SUSD4: variants seen among roughly 807,000 people sequenced by gnomAD.
SUSD4 encodes sushi domain-containing protein 4.
In SUSD4, 41 loss-of-function variants were observed where a neutral mutation model predicts 50.5. The observed-to-expected ratio is 0.81, with a 90% CI of 0.63 to 1.05. The LOEUF is 1.05. SUSD4 is among the 50% of genes least tolerant of loss of function. The pLI is 0.00. For synonymous variants in SUSD4, 257 were observed against 257.3 expected (o/e 1.00, Z 0.01); for missense variants, 580 against 634.7 (o/e 0.91, Z 0.93).
rs267598387 is a variant in SUSD4 at position 223,264,655 on chromosome 1, G to A, written c.699C>T (p.Ser233=). Residue 233 remains serine, a synonymous_variant, in exon 5 of 9, where the codon AGC becomes AGT. Transcript: ENST00000366878. ...CTTCCAGAGCAAGGCACCGGGGTGG[G>A]CTGGACGACCAGATAAGGTTTTGTA... ...ECLQNLIWSS[S]PPRCLALEVC... is the part of the protein sequence containing the mutation. 6.2e-7 allele frequency: 1 copy of A among 1,614,174 alleles called. No individual in the cohort carries two copies. Among genetic ancestry groups the A allele is most frequent in the South Asian group, 1.1e-5 (1 of 91,072 alleles).
At chr1:223,350,058 G>A (rs1668270584) in intron 2 of SUSD4, among the ~76,000 whole-genome samples, 1 of 152,186 alleles carries the variant, frequency 6.6e-6, no homozygotes, top group Non-Finnish European at 1.5e-5. Context: ...ACAGCAAGAA[G>A]GCAGCTGTCT....
intron 5 of SUSD4, among the ~76,000 whole-genome samples, chr1:223,259,022 A>G (rs1661903072): frequency 6.6e-6 from 1 of 152,130 alleles, no homozygotes; most frequent in Admixed American, 6.6e-5. Flanking sequence ...TTACAAATGT[A>G]ATATTTAGAA....
rs1363471034 is a variant in SUSD4, at chr1:223,229,082, T to C, written c.916+115A>G. On this transcript the variant is annotated intron_variant, in intron 6 of 8. Coordinates refer to ENST00000366878, the MANE Select transcript of SUSD4 (RefSeq NM_017982.4). The surrounding 1 kb of genome is among the most constrained non-coding windows in gnomAD (Gnocchi z 4.7). ...CGCAATGATATGTTTCGATATCCTG[T>C]TCCTGACACTGGGTGGGGGAGGAGA... 1.8e-5 allele frequency: 20 copies of C among 1,096,856 alleles called. No individual in the cohort carries two copies. The highest frequency in any genetic ancestry group is 2.2e-5 in the Admixed American group (1 of 46,348). 67.9% of individuals were successfully genotyped at this position (1,096,856 alleles called of 1,614,324 possible). A position where few individuals can be genotyped will look rare whatever the true frequency, so the allele number is the denominator to read the frequency against.
chr1:223,267,583 G>C (rs1662580218), intron 4 of SUSD4, among the ~76,000 whole-genome samples: 1 of 152,116 alleles, frequency 6.6e-6, no homozygotes, highest in South Asian at 2.1e-4. Flanking sequence ...GATGGTCCGG[G>C]CTGCTTTCGT....
At position 223,314,368 on chromosome 1, in the gene SUSD4, T is replaced by G. The variant is rs1393139846; in HGVS notation, c.149-21717A>C. On this transcript the variant is annotated intron_variant, in intron 2 of 8. Transcript: ENST00000366878. Reference sequence around the variant, plus strand: ...CGGGGTGGCGGAACAGAGCTGAAAGTTACATAGATCTACAACTTGTGTCAC... The same window carrying G: ...CGGGGTGGCGGAACAGAGCTGAAAGGTACATAGATCTACAACTTGTGTCAC... Among the ~76,000 whole-genome samples the G allele has an allele frequency of 4.6e-5, 7 of 152,148 alleles. No homozygotes were observed. The East Asian group carries it at 1.4e-3, about 29-fold the overall frequency.
At chr1:223,361,836 G>A (rs527637345) in intron 2 of SUSD4, among the ~76,000 whole-genome samples, 10 of 152,286 alleles carry the variant, frequency 6.6e-5, no homozygotes, top group Middle Eastern at 6.8e-3. Flanking sequence ...CCAGATCCAC[G>A]CAATACTGTT....
chr1:223,320,309 C>T (rs548883232), intron 2 of SUSD4, among the ~76,000 whole-genome samples: 3 of 152,250 alleles, frequency 2.0e-5, no homozygotes, highest in South Asian at 4.1e-4. Flanking sequence ...TGTAATGTGA[C>T]GACATCATCA....
chr1:223,351,455 G>T (rs2102575925), intron 2 of SUSD4, among the ~76,000 whole-genome samples: 1 of 152,302 alleles, frequency 6.6e-6, no homozygotes. Context: ...CATCTCCTAG[G>T]CTCTCTCCAG....
intron 5 of SUSD4, among the ~76,000 whole-genome samples, chr1:223,237,812 T>C (rs1373593934): frequency 6.6e-6 from 1 of 152,044 alleles, no homozygotes; most frequent in Non-Finnish European, 1.5e-5. Context: ...TTTTCTTTTC[T>C]TGCAATGTCT....
At chr1:223,336,527 A>T (rs1558261708) in intron 2 of SUSD4, among the ~76,000 whole-genome samples, 1 of 152,168 alleles carries the variant, frequency 6.6e-6, no homozygotes, top group African/African-American at 2.4e-5. Flanking sequence ...CAGCACAGAG[A>T]CTGCTCTTTC....
At chr1:223,330,814 A>C (rs563373591) in intron 2 of SUSD4, among the ~76,000 whole-genome samples, 5 of 152,300 alleles carry the variant, frequency 3.3e-5, no homozygotes, top group Admixed American at 2.0e-4. Context: ...GTTTCATGTA[A>C]AAACAAGGGA....
intron 1 of SUSD4, chr1:223,363,764 A>C (rs576314026): frequency 8.1e-6 from 2 of 248,316 alleles, no homozygotes; most frequent in African/African-American, 2.2e-5. Context: ...TGCCCACCAC[A>C]GGAAAGTCTA....
At chr1:223,291,488 C>CAAAAAAAAAA (rs71572850) in intron 3 of SUSD4, among the ~76,000 whole-genome samples, 1 of 49,548 alleles carries the variant, frequency 2.0e-5, no homozygotes, top group African/African-American at 9.1e-5. Context: ...GACACTGTCT[C>CAAAAAAAAAA]AAAAAAAAAA....
chr1:223,277,748 C>A (rs1222635094), intron 3 of SUSD4, among the ~76,000 whole-genome samples: 1 of 152,156 alleles, frequency 6.6e-6, no homozygotes, highest in Non-Finnish European at 1.5e-5. Context: ...TGTGTGACTT[C>A]TATAAGTCAC....
At chr1:223,242,012 G>C (rs1660618863) in intron 5 of SUSD4, among the ~76,000 whole-genome samples, 1 of 152,178 alleles carries the variant, frequency 6.6e-6, no homozygotes, top group African/African-American at 2.4e-5. Flanking sequence ...CATGATCATG[G>C]CTCACTGCAG....
intron 5 of SUSD4, among the ~76,000 whole-genome samples, chr1:223,261,762 G>A (rs988710759): frequency 6.6e-6 from 1 of 152,144 alleles, no homozygotes; most frequent in African/African-American, 2.4e-5. Context: ...GTCATGCTAG[G>A]TTCTCTCTTA....
chr1:223,246,298 A>G (rs1185185332), intron 5 of SUSD4, among the ~76,000 whole-genome samples: 3 of 152,170 alleles, frequency 2.0e-5, no homozygotes, highest in African/African-American at 7.2e-5. Context: ...GATTTGGCCA[A>G]ATGGGAGTCA....
chr1:223,260,839 A>T (rs1013305179), intron 5 of SUSD4, among the ~76,000 whole-genome samples: 4 of 152,306 alleles, frequency 2.6e-5, no homozygotes, highest in Admixed American at 2.6e-4. Flanking sequence ...GAGGCTGCCA[A>T]AGCGTTTCCT....
At chr1:223,286,042 G>A (rs1664114020) in intron 3 of SUSD4, among the ~76,000 whole-genome samples, 1 of 152,210 alleles carries the variant, frequency 6.6e-6, no homozygotes, top group South Asian at 2.1e-4. Flanking sequence ...AACTCAGTGT[G>A]AATATCCATG....
Sources: gnomAD v4.1 joint callset for allele counts (sites outside exome capture counted in the v4.1 genomes callset) on GRCh38, gnomAD v4.1.1 for gene constraint, Gnocchi (gnomAD v3.1) non-coding constraint, MANE v1.5 for transcripts, NCBI Gene and HGNC (gene_info 2026-07-23, HGNC 2026-07-21) for gene names.